The following DLAT variants were observed in gnomAD, a reference collection of about 807,000 sequenced individuals.
The protein encoded by DLAT is dihydrolipoyllysine-residue acetyltransferase component of pyruvate dehydrogenase complex, mitochondrial.
In DLAT, 43 loss-of-function variants were observed where a neutral mutation model predicts 68.0. The ratio of observed to expected loss-of-function variants is 0.63; its 90% CI spans 0.50 to 0.81. The LOEUF is 0.81. Among genes scored for constraint, DLAT ranks in the 40% least tolerant of loss-of-function variants. The pLI is 0.00. For synonymous variants in DLAT, 265 were observed against 288.6 expected (o/e 0.92, Z 0.83); for missense variants, 745 against 815.4 (o/e 0.91, Z 1.05).
rs587665557 is a variant in DLAT at position 112,051,522 on chromosome 11, T to G, written c.1514+173T>G. ...GTTTATGAGTTACTGCTTTTTACTT[T>G]TTTTTCTTACTGGCCCCAATTTTCA... On this transcript the variant is annotated intron_variant, in intron 11 of 13. Coordinates refer to ENST00000280346, the MANE Select transcript of DLAT (RefSeq NM_001931.5). This position sits in a 1 kb window ranked among gnomAD's most constrained non-coding sequence, Gnocchi z 4.3. 2.0e-5 allele frequency among the ~76,000 whole-genome samples: 3 copies of G among 152,352 alleles called. No homozygotes were observed. Among genetic ancestry groups the G allele is most frequent in the Non-Finnish European group, 4.4e-5 (3 of 68,038 alleles).
chr11:112,045,813 T>C (rs782719419), intron 9 of DLAT, 50 bp from the exon 10 acceptor site: 4 of 1,169,262 alleles, frequency 3.4e-6, no homozygotes, highest in Non-Finnish European at 3.8e-6. Flanking sequence ...CCTAAATTAG[T>C]TAAGGTCTTA....
intron 10 of DLAT, among the ~76,000 whole-genome samples, chr11:112,046,886 G>A (rs2137799974): frequency 6.6e-6 from 1 of 152,184 alleles, no homozygotes; most frequent in Middle Eastern, 3.4e-3. Flanking sequence ...CATTTGGCTT[G>A]GTTCCAAGTC....
Position 112,045,211 on chromosome 11 carries a change from C to T in DLAT, c.1271C>T (p.Pro424Leu), listed in dbSNP as rs1863244581. The change falls in exon 9 of 14, where the codon CCA becomes CTA. Residue 424 changes from proline to leucine, a missense_variant. By Grantham distance (98) the Pro-to-Leu change is moderately conservative (BLOSUM62 -3). Transcript: ENST00000280346. Reference protein sequence around the residue: ...PVPTGVFTDIPISNIRRVIAQ... With the variant: ...PVPTGVFTDILISNIRRVIAQ... ...CCTACAGGTGTCTTCACAGATATCC[C>T]AATCAGCAACATTCGTCGGGTAAGA... The T allele has an allele frequency of 2.5e-6, 4 of 1,613,848 alleles. No individual in the cohort carries two copies. In the East Asian group the frequency reaches 8.9e-5, roughly 36 times the overall value.
At chr11:112,060,127 T>TG in intron 12 of DLAT, 62 bp downstream of exon 12, 1 of 1,456,762 alleles carries the variant, frequency 6.9e-7, no homozygotes, top group Non-Finnish European at 9.5e-7. Flanking sequence ...ATGCATTTAT[T>TG]GCATTTTTCA....
chr11:112,056,575 A>G (rs1047710698), intron 11 of DLAT, among the ~76,000 whole-genome samples: 1 of 152,132 alleles, frequency 6.6e-6, no homozygotes, highest in Non-Finnish European at 1.5e-5. Context: ...CCTCTTTATC[A>G]TTCACCAGTT....
intron 10 of DLAT, among the ~76,000 whole-genome samples, chr11:112,050,932 T>G (rs1555181906): frequency 6.6e-6 from 1 of 152,242 alleles, no homozygotes; most frequent in Admixed American, 6.5e-5. Flanking sequence ...TTCATTTCTT[T>G]CTTTCCACCT....
rs587739018 is a variant in DLAT at position 112,045,932 on chromosome 11, A to G, written c.1360A>G (p.Met454Val). 8.7e-6 allele frequency: 14 copies of G among 1,610,694 alleles called. No individual in the cohort carries two copies. The South Asian group carries it at 1.3e-4, about 15-fold the overall frequency. The part of the protein sequence containing the change: ...PHYYLSIDVN[M>V]GEVLLVRKEL... Reference sequence around the variant, plus strand: ...TTATTACCTTTCTATCGATGTAAATATGGGAGAAGTTTTGTTGGTACGGAA... The same window carrying G: ...TTATTACCTTTCTATCGATGTAAATGTGGGAGAAGTTTTGTTGGTACGGAA... Residue 454 changes from methionine to valine, a missense_variant, in exon 10 of 14, where the codon ATG becomes GTG. By Grantham distance (21) the Met-to-Val change is conservative (BLOSUM62 1). Coordinates refer to ENST00000280346, the MANE Select transcript of DLAT (RefSeq NM_001931.5).
intron 5 of DLAT, 135 bp downstream of exon 5, chr11:112,033,665 A>C: frequency 1.0e-6 from 1 of 992,556 alleles, no homozygotes; most frequent in Non-Finnish European, 1.5e-6. Flanking sequence ...CTGGGACAGA[A>C]TATTTTATTT....
Position 112,037,251 on chromosome 11 carries a change from ATGT to A in DLAT, c.788-20_788-18del. 3.7e-6 allele frequency: 6 copies of A among 1,608,528 alleles called. No homozygotes were observed. In the Middle Eastern group the frequency reaches 6.6e-4, roughly 178 times the overall value. Reference sequence around the variant, plus strand: ...ATAGTGGAATCTCTTAAGTCCCATAATGTTTTTTCTTTCTATTTAAGGTTTTGA... The same window carrying A: ...ATAGTGGAATCTCTTAAGTCCCATAATTTTTCTTTCTATTTAAGGTTTTGA... On this transcript the variant is annotated intron_variant, in intron 5 of 13. Transcript: ENST00000280346.
intron 2 of DLAT, among the ~76,000 whole-genome samples, chr11:112,027,885 C>T (rs1468955019): frequency 2.2e-5 from 3 of 137,004 alleles, no homozygotes; most frequent in Non-Finnish European, 3.2e-5. Context: ...CAGAGGGAGA[C>T]CGTGGAAAGA....
chr11:112,029,674 C>A (rs1862290222), intron 4 of DLAT, among the ~76,000 whole-genome samples: 2 of 149,664 alleles, frequency 1.3e-5, no homozygotes, highest in South Asian at 2.1e-4. Flanking sequence ...TACAAAAAAA[C>A]TTTATTTACA....
chr11:112,046,022 C>T (rs1387854802), intron 10 of DLAT, 52 bp downstream of exon 10: 8 of 1,023,750 alleles, frequency 7.8e-6, no homozygotes, highest in African/African-American at 1.6e-5. Flanking sequence ...TTTGTCTTTC[C>T]CCACCAAACA....
chr11:112,055,847 A>ATTT (rs1566635432), intron 11 of DLAT, among the ~76,000 whole-genome samples: 2 of 49,668 alleles, frequency 4.0e-5, no homozygotes, highest in African/African-American at 1.4e-4. Context: ...GCATATAGAC[A>ATTT]CTTTTTTTTT....
chr11:112,027,141 G>C (rs1555179417), intron 2 of DLAT, among the ~76,000 whole-genome samples: 2 of 151,964 alleles, frequency 1.3e-5, no homozygotes, highest in African/African-American at 4.8e-5. Context: ...TCACTTCTCA[G>C]ACGGGGTGGC....
chr11:112,027,359 G>A (rs1460404032), intron 2 of DLAT, among the ~76,000 whole-genome samples: 1 of 151,372 alleles, frequency 6.6e-6, no homozygotes, highest in African/African-American at 2.4e-5. Context: ...GGGCAGAGGC[G>A]CTCCTCACTT....
At chr11:112,054,791 G>A (rs587743876) in intron 11 of DLAT, among the ~76,000 whole-genome samples, 16 of 152,262 alleles carry the variant, frequency 1.1e-4, no homozygotes, top group Middle Eastern at 3.4e-3. Context: ...GGGGCAATGC[G>A]TTCCCTCCAA....
At chr11:112,043,785 C>T (rs1199301988) in intron 8 of DLAT, among the ~76,000 whole-genome samples, 1 of 152,140 alleles carries the variant, frequency 6.6e-6, no homozygotes, top group South Asian at 2.1e-4. Context: ...TACCCACATC[C>T]TCTCAAATAC....
intron 4 of DLAT, chr11:112,032,356 T>G: frequency 6.6e-6 from 1 of 152,202 alleles, no homozygotes; most frequent in African/African-American, 2.4e-5. Flanking sequence ...TATGTATATA[T>G]TGTGGAATGG....
chr11:112,054,579 C>T (rs1204262160), intron 11 of DLAT, among the ~76,000 whole-genome samples: 1 of 152,210 alleles, frequency 6.6e-6, no homozygotes, highest in Non-Finnish European at 1.5e-5. Flanking sequence ...ATTTCTCAAT[C>T]TGATCAAACC....
Sources: allele counts gnomAD v4.1 joint callset (sites outside exome capture counted in the v4.1 genomes callset), GRCh38; gene constraint gnomAD v4.1.1; non-coding constraint Gnocchi (gnomAD v3.1); transcripts MANE v1.5; gene names NCBI Gene and HGNC (gene_info 2026-07-23, HGNC 2026-07-21).